The following CSMD1 variants were observed in gnomAD, a reference collection of about 807,000 sequenced individuals.
CSMD1 encodes the protein CUB and Sushi multiple domains 1.
CSMD1 carries 213 observed loss-of-function variants against 417.5 expected under a neutral mutation model. The observed-to-expected ratio is 0.51, with a 90% CI of 0.46 to 0.57. The LOEUF is 0.57. CSMD1 is among the 20% of genes least tolerant of loss of function. CSMD1 has a pLI of 0.00. For missense variants in CSMD1, 6,923 were observed against 4,529.7 expected (o/e 1.53, Z -15.17); for synonymous variants, 2,862 against 1,736.8 (o/e 1.65, Z -16.11).
chr8:4,579,932 G>C (rs1203426502), intron 2 of CSMD1, among the ~76,000 whole-genome samples: 4 of 152,034 alleles, frequency 2.6e-5, no homozygotes, highest in African/African-American at 7.2e-5. Context: ...TGCATAGCTC[G>C]ATTTCCTGTA....
chr8:3,857,724 T>A (rs1351825620), intron 5 of CSMD1, among the ~76,000 whole-genome samples: 1 of 152,216 alleles, frequency 6.6e-6, no homozygotes, highest in Non-Finnish European at 1.5e-5. Context: ...ATGATCCATT[T>A]ACAAAGACAG....
chr8:4,668,605 A>G (rs1017798452), intron 1 of CSMD1, among the ~76,000 whole-genome samples: 1 of 151,694 alleles, frequency 6.6e-6, no homozygotes, highest in African/African-American at 2.4e-5. Flanking sequence ...GTCCGCCACC[A>G]CGCCTGGCTA....
At chr8:4,905,744 C>T (rs927560539) in intron 1 of CSMD1, among the ~76,000 whole-genome samples, 4 of 140,714 alleles carry the variant, frequency 2.8e-5, no homozygotes, top group Admixed American at 8.1e-5. Context: ...GGCGTGAAAC[C>T]GGGAGGCGGA....
intron 3 of CSMD1, among the ~76,000 whole-genome samples, chr8:4,316,180 A>C (rs1256289083): frequency 6.6e-6 from 1 of 152,286 alleles, no homozygotes; most frequent in South Asian, 2.1e-4. Context: ...AGATTAGCTA[A>C]ATTTCAAGAG....
At chr8:3,652,193 T>TTCAGCGGGCCTACCACCA (rs1797892491) in intron 7 of CSMD1, among the ~76,000 whole-genome samples, 1 of 137,696 alleles carries the variant, frequency 7.3e-6, no homozygotes, top group African/African-American at 2.7e-5. Context: ...ACCTACCACC[T>TTCAGCGGGCCTACCACCA]TCAGCGGGCC....
intron 3 of CSMD1, among the ~76,000 whole-genome samples, chr8:4,032,732 G>C (rs1434958917): frequency 6.6e-6 from 1 of 152,164 alleles, no homozygotes; most frequent in East Asian, 1.9e-4. Context: ...TCAAAAGCAA[G>C]TTTCAGTGCT....
intron 21 of CSMD1, among the ~76,000 whole-genome samples, chr8:3,350,170 T>C (rs1808320226): frequency 7.8e-6 from 1 of 128,854 alleles, no homozygotes; most frequent in Non-Finnish European, 1.6e-5. Flanking sequence ...TGTGTTATAA[T>C]ACCTATAATA....
chr8:3,248,757 G>A (rs577497613), intron 26 of CSMD1, among the ~76,000 whole-genome samples: 6 of 151,952 alleles, frequency 3.9e-5, no homozygotes, highest in Admixed American at 1.3e-4. Context: ...CCATCTCTGG[G>A]CCTTTTGCAA....
chr8:4,631,422 C>T (rs79630843), intron 2 of CSMD1, among the ~76,000 whole-genome samples: 3,833 of 149,296 alleles, frequency 0.026, 58 homozygotes, highest in Non-Finnish European at 0.039. Flanking sequence ...TTAATCAGTC[C>T]ATTGATCTGT....
At chr8:3,844,491 G>C (rs959053861) in intron 5 of CSMD1, among the ~76,000 whole-genome samples, 2 of 152,128 alleles carry the variant, frequency 1.3e-5, no homozygotes, top group South Asian at 2.1e-4. Context: ...CAATCTCTTT[G>C]GTAATGTGAC....
In CSMD1 at chr8:4,631,330, C is replaced by T. The variant is rs973758707; in HGVS notation, c.302+6012G>A. ...TGAGCTGAGATCCTGCCACCACGCT[C>T]CAGCCTGGGAGACAGGGCAAGATTC... On this transcript the variant is annotated intron_variant, in intron 2 of 69. Transcript: ENST00000635120. Among the ~76,000 whole-genome samples the T allele has an allele frequency of 1.2e-4, 18 of 151,992 alleles. No homozygotes were observed. In the East Asian group the frequency reaches 2.9e-3, roughly 25 times the overall value.
chr8:3,412,198 A>T lies in CSMD1; in HGVS notation c.1562-2593T>A, dbSNP rs963868534. ...CATATATATACACACATATACATAC[A>T]TACACACACACACACCACTGTTTCT... is the stretch of plus-strand genomic sequence containing the variant. On this transcript the variant is annotated intron_variant, in intron 12 of 69. Coordinates refer to ENST00000635120, the MANE Select transcript of CSMD1 (RefSeq NM_033225.6). Among the ~76,000 whole-genome samples the T allele has an allele frequency of 1.1e-4, 16 of 149,228 alleles. 2 individuals are homozygous for T. Among genetic ancestry groups the T allele is most frequent in the African/African-American group, 4.0e-4 (16 of 40,380 alleles).
chr8:4,647,178 T>C (rs1019161963), intron 1 of CSMD1, among the ~76,000 whole-genome samples: 4 of 151,398 alleles, frequency 2.6e-5, no homozygotes, highest in East Asian at 1.9e-4. Flanking sequence ...TTTGGACAAA[T>C]AGGCCACTGG....
chr8:3,631,490 C>T (rs1048779378), intron 7 of CSMD1, among the ~76,000 whole-genome samples: 5 of 152,154 alleles, frequency 3.3e-5, no homozygotes, highest in African/African-American at 9.7e-5. Flanking sequence ...GAGGAGCAGG[C>T]AGATAGGCCG....
chr8:4,835,643 A>T (rs1030605289), intron 1 of CSMD1, among the ~76,000 whole-genome samples: 1 of 152,172 alleles, frequency 6.6e-6, no homozygotes, highest in Non-Finnish European at 1.5e-5. Flanking sequence ...TGATGAAATG[A>T]AAGACATCGG....
intron 3 of CSMD1, among the ~76,000 whole-genome samples, chr8:4,197,461 T>G (rs1799404974): frequency 6.6e-6 from 1 of 152,194 alleles, no homozygotes. Context: ...GGGCCCCGTT[T>G]CATCACTTGA....
intron 1 of CSMD1, among the ~76,000 whole-genome samples, chr8:4,686,417 C>G (rs1052998898): frequency 4.6e-5 from 7 of 152,216 alleles, no homozygotes; most frequent in Non-Finnish European, 1.0e-4. Flanking sequence ...CCTGCCCTTG[C>G]TCTTCTCCCC....
intron 2 of CSMD1, among the ~76,000 whole-genome samples, chr8:4,589,839 G>T (rs1030189611): frequency 6.6e-6 from 1 of 152,144 alleles, no homozygotes; most frequent in Non-Finnish European, 1.5e-5. Context: ...TTTCTGGAAT[G>T]CAGCGTATTA....
intron 10 of CSMD1, among the ~76,000 whole-genome samples, chr8:3,516,501 T>C (rs571123740): frequency 2.0e-5 from 3 of 152,308 alleles, no homozygotes; most frequent in East Asian, 3.9e-4. Flanking sequence ...GTAGTATCTA[T>C]GCTACTCCTC....
Sources: allele counts gnomAD v4.1 joint callset (sites outside exome capture counted in the v4.1 genomes callset), GRCh38; gene constraint gnomAD v4.1.1; transcripts MANE v1.5; gene names NCBI Gene and HGNC (gene_info 2026-07-23, HGNC 2026-07-21).